The following VAV2 variants were observed in gnomAD, a reference collection of about 807,000 sequenced individuals.
VAV2 encodes the protein vav guanine nucleotide exchange factor 2.
A neutral mutation model predicts 132.5 loss-of-function variants in VAV2; 67 were observed. The ratio of observed to expected loss-of-function variants is 0.51; its 90% CI spans 0.42 to 0.62. The LOEUF is 0.62. VAV2 is among the 20% of genes least tolerant of loss of function. The pLI, the probability that VAV2 is intolerant of heterozygous loss-of-function variation, is 0.00. For synonymous variants in VAV2, 492 were observed against 443.5 expected (o/e 1.11, Z -1.37); for missense variants, 938 against 1,153.6 (o/e 0.81, Z 2.71).
Position 133,769,396 on chromosome 9 carries a change from C to T in VAV2, c.2434+21G>A, listed in dbSNP as rs773978406. On this transcript the variant is annotated intron_variant, in intron 28 of 29. Transcript: ENST00000371850. The surrounding 1 kb of genome is among the most constrained non-coding windows in gnomAD (Gnocchi z 8.1). ...AGCTGCCACAGGCCCGGTCCCCCCA[C>T]GCCCTGGGGAGCAGCGGTACCTGAC... 14 of 1,600,928 alleles carry T rather than the reference C, an allele frequency of 8.7e-6. No homozygotes were observed. Among genetic ancestry groups the T allele is most frequent in the Admixed American group, 3.4e-5 (2 of 58,172 alleles).
chr9:133,856,598 G>C (rs1167524148), intron 3 of VAV2, among the ~76,000 whole-genome samples: 1 of 152,222 alleles, frequency 6.6e-6, no homozygotes, highest in African/African-American at 2.4e-5. Context: ...CAGGTCACCA[G>C]AGAGTTGGAG....
chr9:133,886,549 C>T (rs1392107771), intron 2 of VAV2, among the ~76,000 whole-genome samples: 3 of 152,186 alleles, frequency 2.0e-5, no homozygotes, highest in Non-Finnish European at 2.9e-5. Context: ...GGCCCCGTGT[C>T]GGAGTCAGTG....
At position 133,935,268 on chromosome 9, in the gene VAV2, C is replaced by T. The variant is rs114682225; in HGVS notation, c.321+3835G>A. Among the ~76,000 whole-genome samples the T allele has an allele frequency of 7.5e-3, 1,145 of 152,234 alleles. 20 individuals are homozygous for T. The highest frequency in any genetic ancestry group is 0.026 in the African/African-American group (1,081 of 41,528). ...AAGATGAATCTGGACGTGTAGGAAA[C>T]GCTCAGTAAATGCCCCGAAAAAATG... is the stretch of plus-strand genomic sequence containing the variant. On this transcript the variant is annotated intron_variant, in intron 2 of 29. Transcript: ENST00000371850. The surrounding 1 kb of genome is among the most constrained non-coding windows in gnomAD (Gnocchi z 5.2).
chr9:133,897,806 C>G (rs1223186612), intron 2 of VAV2, among the ~76,000 whole-genome samples: 1 of 151,960 alleles, frequency 6.6e-6, no homozygotes, highest in Non-Finnish European at 1.5e-5. Flanking sequence ...ACGCTGGAGG[C>G]AAAAAGGTCA....
chr9:133,779,960 C>A (rs1371910717), intron 20 of VAV2, 21 bp from the exon 21 acceptor site: 1 of 1,612,144 alleles, frequency 6.2e-7, no homozygotes, highest in Admixed American at 1.7e-5. Context: ...AAGGACAGAA[C>A]ACAGAGATGA....
At chr9:133,771,527 A>G (rs1833624676) in intron 26 of VAV2, among the ~76,000 whole-genome samples, 1 of 152,240 alleles carries the variant, frequency 6.6e-6, no homozygotes, top group Non-Finnish European at 1.5e-5. Context: ...CTATGCCTCT[A>G]ACTGCATTCT....
chr9:133,890,284 G>A (rs956714515), intron 2 of VAV2, among the ~76,000 whole-genome samples: 5 of 152,206 alleles, frequency 3.3e-5, no homozygotes, highest in South Asian at 2.1e-4. Flanking sequence ...GCGACCACAC[G>A]GAGCCTTGCT....
chr9:133,825,782 G>T (rs553551554), intron 4 of VAV2, among the ~76,000 whole-genome samples: 51 of 152,302 alleles, frequency 3.3e-4, no homozygotes, highest in Admixed American at 9.1e-4. Flanking sequence ...CCCAGGGCAG[G>T]ATCCAATGGG....
At position 133,804,152 on chromosome 9, in the gene VAV2, A is replaced by G. The variant is rs1252945494; in HGVS notation, c.836+1929T>C. Among the ~76,000 whole-genome samples, 4 of 152,190 alleles carry G rather than the reference A, an allele frequency of 2.6e-5. No homozygotes were observed. The highest frequency in any genetic ancestry group is 5.9e-5 in the Non-Finnish European group (4 of 68,038). Reference sequence around the variant, plus strand: ...GCAGGCACCCTATAAAAGCTTCAGGACTCAGCCAGCAAGCAAGAACCAGGA... The same window carrying G: ...GCAGGCACCCTATAAAAGCTTCAGGGCTCAGCCAGCAAGCAAGAACCAGGA... On this transcript the variant is annotated intron_variant, in intron 9 of 29. Coordinates refer to ENST00000371850, the MANE Select transcript of VAV2 (RefSeq NM_001134398.2). This position sits in a 1 kb window ranked among gnomAD's most constrained non-coding sequence, Gnocchi z 4.5.
chr9:133,867,935 A>G (rs1269358711), intron 2 of VAV2, among the ~76,000 whole-genome samples: 2 of 151,934 alleles, frequency 1.3e-5, no homozygotes, highest in African/African-American at 4.8e-5. Flanking sequence ...CTCCTCCCAC[A>G]CCGCCTACAG....
chr9:133,925,578 T>A (rs7858954), intron 2 of VAV2, among the ~76,000 whole-genome samples: 19,257 of 152,084 alleles, frequency 0.13, 2,019 homozygotes, highest in African/African-American at 0.28. Context: ...AGCCCCAAAG[T>A]CCCCAGGGGC....
At chr9:133,779,165 C>T (rs965343073) in intron 21 of VAV2, among the ~76,000 whole-genome samples, 2 of 152,282 alleles carry the variant, frequency 1.3e-5, no homozygotes, top group African/African-American at 4.8e-5. Flanking sequence ...CCCTTCAGAT[C>T]TGTGGCCCAC....
At chr9:133,964,022 C>CATATATATATATATATATAT (rs10541639) in intron 1 of VAV2, among the ~76,000 whole-genome samples, 2 of 93,876 alleles carry the variant, frequency 2.1e-5, no homozygotes, top group African/African-American at 4.0e-5. Context: ...ATTATTCATT[C>CATATATATATATATATATAT]ATATATATAT....
intron 1 of VAV2, among the ~76,000 whole-genome samples, chr9:133,979,096 A>G (rs1354535576): frequency 6.6e-6 from 1 of 152,176 alleles, no homozygotes; most frequent in Non-Finnish European, 1.5e-5. Flanking sequence ...AGGGGCACTG[A>G]GGCTTCGGAA....
chr9:133,971,369 T>A (rs1490499938), intron 1 of VAV2, among the ~76,000 whole-genome samples: 1 of 152,112 alleles, frequency 6.6e-6, no homozygotes, highest in Admixed American at 6.5e-5. Context: ...GACTCCACTG[T>A]GCCCCAGGAA....
chr9:133,787,998 G>A (rs1394721188), intron 15 of VAV2, among the ~76,000 whole-genome samples: 1 of 152,250 alleles, frequency 6.6e-6, no homozygotes. Context: ...ATGGGCTAGA[G>A]TCAGGCTGGC....
chr9:133,984,398 GAGCCCAGGA>G (rs1216917987), intron 1 of VAV2, among the ~76,000 whole-genome samples: 1 of 152,186 alleles, frequency 6.6e-6, no homozygotes, highest in Non-Finnish European at 1.5e-5. Context: ...AGGATCACGT[GAGCCCAGGA>G]GTTCAAGACC....
intron 2 of VAV2, among the ~76,000 whole-genome samples, chr9:133,937,109 G>C (rs1840939812): frequency 6.6e-6 from 1 of 152,356 alleles, no homozygotes; most frequent in African/African-American, 2.4e-5. Context: ...TGGCCAAGAA[G>C]TAGGTTTGGC....
chr9:133,973,549 G>A (rs183193459), intron 1 of VAV2, among the ~76,000 whole-genome samples: 10 of 152,334 alleles, frequency 6.6e-5, no homozygotes, highest in African/African-American at 1.9e-4. Context: ...CAGAGAGGAA[G>A]GAGACCCAAA....
Sources: gnomAD v4.1 joint callset for allele counts (sites outside exome capture counted in the v4.1 genomes callset) on GRCh38, gnomAD v4.1.1 for gene constraint, Gnocchi (gnomAD v3.1) non-coding constraint, MANE v1.5 for transcripts, NCBI Gene and HGNC (gene_info 2026-07-23, HGNC 2026-07-21) for gene names.